SRPRA: variants seen among roughly 807,000 people sequenced by gnomAD.
The protein encoded by SRPRA is SRP receptor subunit alpha, also known as signal recognition particle receptor subunit alpha.
In SRPRA, 30 loss-of-function variants were observed where a neutral mutation model predicts 61.1. The ratio of observed to expected loss-of-function variants is 0.49; its 90% CI spans 0.37 to 0.67. The LOEUF (loss-of-function observed/expected upper bound fraction) is 0.67, where lower values mean the gene tolerates loss of function less well. Ranked by LOEUF, SRPRA falls within the 30% of genes least tolerant of loss-of-function variation. SRPRA has a pLI of 0.00. For missense variants in SRPRA, 759 were observed against 828.4 expected, an observed-to-expected ratio of 0.92 and a Z score of 1.03; for synonymous variants, 324 against 299.7, an observed-to-expected ratio of 1.08 and a Z score of -0.84.
Position 126,264,547 on chromosome 11 carries a change from A to G in SRPRA, c.1526-8T>C, listed in dbSNP as rs1408460020. 1 of 1,612,114 alleles carries G rather than the reference A, an allele frequency of 6.2e-7. No individual in the cohort carries two copies. Among genetic ancestry groups the G allele is most frequent in the Admixed American group, 1.7e-5 (1 of 59,980 alleles). Reference sequence around the variant, plus strand: ...CAAAGCCTTGGTTACGTGCTAGAGAAAGAAAGTAGTCAACTCTGAACACCT... The same window carrying G: ...CAAAGCCTTGGTTACGTGCTAGAGAGAGAAAGTAGTCAACTCTGAACACCT... On this transcript the variant is annotated splice_region_variant and splice_polypyrimidine_tract_variant and intron_variant, in intron 11 of 13. Coordinates refer to ENST00000332118, the MANE Select transcript of SRPRA (RefSeq NM_003139.4). This position sits in a 1 kb window ranked among gnomAD's most constrained non-coding sequence, Gnocchi z 5.0.
At position 126,265,057 on chromosome 11, in the gene SRPRA, T is replaced by C. The variant is rs765236082; in HGVS notation, c.1427A>G (p.His476Arg). ...GCGGCCACCATGCTTCTCTGGAGGG[T>C]GTAGGGCACTCAAACGCCGGGTGTG... ...RTHTRRLSAL[H>R]PPEKHGGRTM... is the part of the protein sequence containing the mutation. The change falls in exon 11 of 14, where the codon CAC becomes CGC. Residue 476 changes from histidine to arginine, a missense_variant. Transcript: ENST00000332118. This position sits in a 1 kb window ranked among gnomAD's most constrained non-coding sequence, Gnocchi z 6.3. 3 of 1,613,988 alleles carry C rather than the reference T, an allele frequency of 1.9e-6. No homozygotes were observed. Among genetic ancestry groups the C allele is most frequent in the African/African-American group, 2.7e-5 (2 of 74,962 alleles).
the SRPRA span, among the ~76,000 whole-genome samples, chr11:126,256,207 A>G: frequency 1.4e-4 from 22 of 152,248 alleles, no homozygotes; most frequent in Non-Finnish European, 2.8e-4. This position sits in a 1 kb window ranked among gnomAD's most constrained non-coding sequence, Gnocchi z 6.6. Flanking sequence ...TGGAGGTTGC[A>G]GTAAGCCGAG....
chr11:126,238,829 C>A, the SRPRA span, among the ~76,000 whole-genome samples: 1 of 151,826 alleles, frequency 6.6e-6, no homozygotes, highest in African/African-American at 2.4e-5. Flanking sequence ...GCCCTTTGAC[C>A]TCTGTTGTCT....
chr11:126,252,326 T>C, the SRPRA span, among the ~76,000 whole-genome samples: 1 of 152,236 alleles, frequency 6.6e-6, no homozygotes, highest in African/African-American at 2.4e-5. The surrounding 1 kb of genome is among the most constrained non-coding windows in gnomAD (Gnocchi z 4.7). Flanking sequence ...TCTGACTGTT[T>C]ACCCCATAGG....
chr11:126,237,616 C>T, the SRPRA span, among the ~76,000 whole-genome samples: 7 of 133,624 alleles, frequency 5.2e-5, no homozygotes, highest in Non-Finnish European at 4.7e-5. Flanking sequence ...GTGGGCAGAT[C>T]GTGAGGTCAG....
chr11:126,260,200 T>G (rs1395219988), downstream of SRPRA, among the ~76,000 whole-genome samples: 1 of 151,680 alleles, frequency 6.6e-6, no homozygotes, highest in Non-Finnish European at 1.5e-5. Context: ...GCCCAGCTAA[T>G]TTTTGTATTT....
Position 126,266,849 on chromosome 11 carries a change from G to C in SRPRA, c.600C>G (p.Asn200Lys). 1 of 1,614,174 alleles carries C rather than the reference G, an allele frequency of 6.2e-7. No homozygotes were observed. The highest frequency in any genetic ancestry group is 8.5e-7 in the Non-Finnish European group (1 of 1,180,042). The change falls in exon 5 of 14, where the codon AAC becomes AAG. Residue 200 changes from asparagine to lysine, a missense_variant. By Grantham distance (94) the Asn-to-Lys change is moderately conservative (BLOSUM62 0). This residue lies in a region of SRPRA where 475 missense variants were observed against 462.5 expected (regional missense o/e 1.03). Transcript: ENST00000332118. ...EKSGLPVGPE[N>K]GVELSKEELI... is the part of the protein sequence containing the mutation. ...GCTCCTCTTTGGAAAGTTCTACTCC[G>C]TTCTCAGGACCCACTGGAAGACCTG...
At position 126,266,510 on chromosome 11, in the gene SRPRA, G is replaced by A; in HGVS notation, c.806C>T (p.Thr269Ile). 1 of 1,614,152 alleles carries A rather than the reference G, an allele frequency of 6.2e-7. No homozygotes were observed. Among genetic ancestry groups the A allele is most frequent in the Non-Finnish European group, 8.5e-7 (1 of 1,180,012 alleles). The change falls in exon 6 of 14, where the codon ACC (threonine) becomes ATC (isoleucine). Residue 269 changes from threonine (T) to isoleucine (I), a missense_variant. This residue lies in a region of SRPRA where 475 missense variants were observed against 462.5 expected (regional missense o/e 1.03). Transcript: ENST00000332118. Reference sequence around the variant, plus strand: ...GTCCTCAGACAAGGCAGCCTCAGGGGTTCCATTGGTGGTGGGAGTACTGTA... The same window carrying A: ...GTCCTCAGACAAGGCAGCCTCAGGGATTCCATTGGTGGTGGGAGTACTGTA... ...LDYSTPTTNG[T>I]PEAALSEDIN...
chr11:126,247,740 C>A, the SRPRA span, among the ~76,000 whole-genome samples: 2 of 151,650 alleles, frequency 1.3e-5, no homozygotes, highest in Non-Finnish European at 2.9e-5. Context: ...CACCTGTAAT[C>A]CCAGCTACTC....
rs1260467465 is a variant in SRPRA, at chr11:126,264,882, ATCT to A, written c.1525+74_1525+76del. 4.4e-6 allele frequency: 6 copies of A among 1,376,652 alleles called. No homozygotes were observed. Among genetic ancestry groups the A allele is most frequent in the South Asian group, 1.3e-5 (1 of 75,990 alleles). The allele number at this position is 1,376,652 out of a possible 1,614,324, so 85.3% of individuals were successfully genotyped here. ...ACGAGTCTGTAGTAGCACAAGCCTG[ATCT>A]TCTGCAAATTCCAAGAGAACCCAAG... On this transcript the variant is annotated intron_variant, in intron 11 of 13. Transcript: ENST00000332118. The surrounding 1 kb of genome is among the most constrained non-coding windows in gnomAD (Gnocchi z 5.0).
Position 126,265,210 on chromosome 11 carries a change from G to A in SRPRA, c.1312-38C>T, listed in dbSNP as rs371488206. On this transcript the variant is annotated intron_variant, in intron 10 of 13. Coordinates refer to ENST00000332118, the MANE Select transcript of SRPRA (RefSeq NM_003139.4). The surrounding 1 kb of genome is among the most constrained non-coding windows in gnomAD (Gnocchi z 6.3). ...CGTAAGAAAAGTCACCTAAAGCCAGGATTTTGAGACACAAGAAGTACAGAA... is the reference window on the plus strand; with the variant it reads ...CGTAAGAAAAGTCACCTAAAGCCAGAATTTTGAGACACAAGAAGTACAGAA... 9 of 1,613,866 alleles carry A rather than the reference G, an allele frequency of 5.6e-6. No homozygotes were observed. The highest frequency in any genetic ancestry group is 1.7e-5 in the Admixed American group (1 of 59,992).
chr11:126,264,634 C>A lies in SRPRA; in HGVS notation c.1526-95G>T. 6.9e-7 allele frequency: 1 copy of A among 1,439,794 alleles called. No individual in the cohort carries two copies. Among genetic ancestry groups the A allele is most frequent in the South Asian group, 1.3e-5 (1 of 78,302 alleles). The allele number at this position is 1,439,794 out of a possible 1,614,324, so 89.2% of individuals were successfully genotyped here. A position where few individuals can be genotyped will look rare whatever the true frequency, so the allele number is the denominator to read the frequency against. ...AAAAGTCCTAGTTTGACTACCTGTT[C>A]ACTGTCTTGGGCTCTGGATTTGGTT... is the stretch of plus-strand genomic sequence containing the variant. On this transcript the variant is annotated intron_variant, in intron 11 of 13. Transcript: ENST00000332118. The surrounding 1 kb of genome is among the most constrained non-coding windows in gnomAD (Gnocchi z 5.0).
chr11:126,263,235 A>C lies in SRPRA; in HGVS notation c.*681T>G, dbSNP rs1021304292. The C allele has an allele frequency of 2.0e-5, 3 of 152,294 alleles. No homozygotes were observed. The highest frequency in any genetic ancestry group is 4.4e-5 in the Non-Finnish European group (3 of 68,060). 9.4% of individuals were successfully genotyped at this position (152,294 alleles called of 1,614,324 possible). A position where few individuals can be genotyped will look rare whatever the true frequency, so the allele number is the denominator to read the frequency against. ...GCAGAGCTTACTTCTGGATTCTGGG[A>C]GTGGGAAGAGTTGGGAGGCCAAGAA... On this transcript the variant is annotated 3_prime_UTR_variant, in exon 14 of 14. Coordinates refer to ENST00000332118, the MANE Select transcript of SRPRA (RefSeq NM_003139.4).
At chr11:126,243,407 T>A in the SRPRA span, among the ~76,000 whole-genome samples, 1 of 149,868 alleles carries the variant, frequency 6.7e-6, no homozygotes, top group Non-Finnish European at 1.5e-5. Context: ...AAGACTCCAC[T>A]GAGCTGTGAT....
the SRPRA span, among the ~76,000 whole-genome samples, chr11:126,247,903 G>A: frequency 1.4e-5 from 2 of 143,096 alleles, no homozygotes; most frequent in East Asian, 2.0e-4. Flanking sequence ...ATAGATATAC[G>A]TATATCTATA....
At chr11:126,251,631 C>T in the SRPRA span, among the ~76,000 whole-genome samples, 4 of 152,212 alleles carry the variant, frequency 2.6e-5, no homozygotes, top group South Asian at 8.3e-4. Flanking sequence ...GGATCCCCTC[C>T]TGAGAGACCT....
At position 126,266,866 on chromosome 11, in the gene SRPRA, G is replaced by A. The variant is rs1210675194; in HGVS notation, c.583C>T (p.Pro195Ser). ...KPVPAEKSGLPVGPENGVELS... is the reference protein window; with the variant it reads ...KPVPAEKSGLSVGPENGVELS... ...TCTACTCCGTTCTCAGGACCCACTG[G>A]AAGACCTGACTTTTCTGCAGGGACT... is the stretch of plus-strand genomic sequence containing the variant. Residue 195 changes from proline to serine, a missense_variant, in exon 5 of 14, where the codon CCA (proline) becomes TCA (serine). By Grantham distance (74) the Pro-to-Ser change is moderately conservative. This residue lies in a region of SRPRA where 475 missense variants were observed against 462.5 expected (regional missense o/e 1.03). Coordinates refer to ENST00000332118, the MANE Select transcript of SRPRA (RefSeq NM_003139.4). The A allele has an allele frequency of 1.2e-6, 2 of 1,614,060 alleles. No individual in the cohort carries two copies. The highest frequency in any genetic ancestry group is 1.7e-6 in the Non-Finnish European group (2 of 1,180,040).
At chr11:126,256,709 GA>G in the SRPRA span, 2 of 1,614,202 alleles carry the variant, frequency 1.2e-6, no homozygotes, top group South Asian at 1.1e-5. This position sits in a 1 kb window ranked among gnomAD's most constrained non-coding sequence, Gnocchi z 6.6. Context: ...CTGGTTCGGA[GA>G]GGAGACGTAG....
At chr11:126,259,071 T>TAAA (rs1220593115), downstream of SRPRA, among the ~76,000 whole-genome samples, 5 of 152,200 alleles carry the variant, frequency 3.3e-5, no homozygotes, top group Non-Finnish European at 7.3e-5. Flanking sequence ...GAGTGCTTTA[T>TAAA]GGGAATGGTC....
Sources: gnomAD v4.1 joint callset for allele counts (sites outside exome capture counted in the v4.1 genomes callset) on GRCh38, gnomAD v4.1.1 for gene constraint, gnomAD v4.1.1 regional missense constraint, Gnocchi (gnomAD v3.1) non-coding constraint, MANE v1.5 for transcripts, NCBI Gene and HGNC (gene_info 2026-07-23, HGNC 2026-07-21) for gene names.